The following PARD3B variants were observed in gnomAD, a reference collection of about 807,000 sequenced individuals.
The protein encoded by PARD3B is partitioning defective 3 homolog B.
A neutral mutation model predicts 130.2 loss-of-function variants in PARD3B; 103 were observed. The ratio of observed to expected loss-of-function variants is 0.79; its 90% CI spans 0.67 to 0.93. The LOEUF (loss-of-function observed/expected upper bound fraction) is 0.93. Among genes scored for constraint, PARD3B ranks in the 40% least tolerant of loss-of-function variants. The pLI, the probability that PARD3B is intolerant of heterozygous loss-of-function variation, is 0.00. For synonymous variants in PARD3B, 583 were observed against 553.2 expected, an observed-to-expected ratio of 1.05 and a Z score of -0.76; for missense variants, 1,609 against 1,499.2, an observed-to-expected ratio of 1.07 and a Z score of -1.21.
chr2:204,945,524 T>C (rs1408471164), intron 2 of PARD3B, among the ~76,000 whole-genome samples: 1 of 152,224 alleles, frequency 6.6e-6, no homozygotes, highest in Non-Finnish European at 1.5e-5. Flanking sequence ...GGCTATGTTA[T>C]TCTGGAGTGA....
intron 1 of PARD3B, among the ~76,000 whole-genome samples, chr2:204,630,125 A>G (rs2034625797): frequency 6.6e-6 from 1 of 152,152 alleles, no homozygotes; most frequent in Non-Finnish European, 1.5e-5. Flanking sequence ...AAACTATACA[A>G]ACTAGGCCTC....
In PARD3B at chr2:205,121,566, A is replaced by G. The variant is rs2030719271; in HGVS notation, c.807-25A>G. 7 of 1,598,420 alleles carry G rather than the reference A, an allele frequency of 4.4e-6. No homozygotes were observed. The highest frequency in any genetic ancestry group is 5.1e-6 in the Non-Finnish European group (6 of 1,168,012). On this transcript the variant is annotated intron_variant, in intron 7 of 22. Coordinates refer to ENST00000406610, the MANE Select transcript of PARD3B (RefSeq NM_001302769.2). The surrounding 1 kb of genome is among the most constrained non-coding windows in gnomAD (Gnocchi z 5.0). ...TGCTGCACCTCAAAGCAGGGTCATC[A>G]TACATTTATCAACTTTCTTTCCAGG...
chr2:205,478,841 A>G (rs1344725496), intron 20 of PARD3B, among the ~76,000 whole-genome samples: 1 of 152,178 alleles, frequency 6.6e-6, no homozygotes, highest in Non-Finnish European at 1.5e-5. Context: ...ATTTAGTATG[A>G]AAAAGCATGG....
chr2:204,960,358 A>G (rs958457329), intron 2 of PARD3B, among the ~76,000 whole-genome samples: 4 of 152,164 alleles, frequency 2.6e-5, no homozygotes, highest in African/African-American at 9.7e-5. Flanking sequence ...TTTGAAAGTG[A>G]GCCTGAAAAG....
At chr2:205,543,239 C>G (rs2052239670) in intron 21 of PARD3B, among the ~76,000 whole-genome samples, 1 of 151,684 alleles carries the variant, frequency 6.6e-6, no homozygotes, top group Admixed American at 6.6e-5. Context: ...GTATGAATAA[C>G]TGAAAAAAAA....
chr2:205,243,613 T>C (rs1013602273), intron 15 of PARD3B, among the ~76,000 whole-genome samples: 6 of 152,210 alleles, frequency 3.9e-5, no homozygotes, highest in Non-Finnish European at 5.9e-5. Flanking sequence ...ATTAATAGCA[T>C]ATATTCAAAT....
intron 2 of PARD3B, among the ~76,000 whole-genome samples, chr2:204,903,311 G>A (rs149000211): frequency 2.0e-5 from 3 of 152,082 alleles, no homozygotes; most frequent in African/African-American, 7.2e-5. Flanking sequence ...CCATGCAAGG[G>A]CTAACATTTG....
chr2:205,248,633 G>A (rs991465679), intron 16 of PARD3B, among the ~76,000 whole-genome samples: 14 of 130,196 alleles, frequency 1.1e-4, no homozygotes, highest in Non-Finnish European at 2.2e-4. Flanking sequence ...TTTTGAGACG[G>A]AGTGGCTCTG....
Position 205,230,099 on chromosome 2 carries a change from G to A in PARD3B, c.2141-15679G>A, listed in dbSNP as rs1372505624. On this transcript the variant is annotated intron_variant, in intron 15 of 22. Transcript: ENST00000406610. The surrounding 1 kb of genome is among the most constrained non-coding windows in gnomAD (Gnocchi z 4.1). ...AGATGCTGTCTAAGAGCCAAAGTGTGGAATTGGTGATCCCAAGAACCCGCT... is the reference window on the plus strand; with the variant it reads ...AGATGCTGTCTAAGAGCCAAAGTGTAGAATTGGTGATCCCAAGAACCCGCT... Among the ~76,000 whole-genome samples the A allele has an allele frequency of 6.6e-6, 1 of 151,980 alleles. No individual in the cohort carries two copies. Among genetic ancestry groups the A allele is most frequent in the African/African-American group, 2.4e-5 (1 of 41,366 alleles).
At chr2:205,498,929 G>A (rs750833008) in intron 20 of PARD3B, among the ~76,000 whole-genome samples, 6 of 152,178 alleles carry the variant, frequency 3.9e-5, no homozygotes, top group African/African-American at 1.4e-4. Flanking sequence ...GTAGTCTTCT[G>A]TATCCCTCTC....
chr2:205,065,048 G>A (rs990488753), intron 4 of PARD3B, among the ~76,000 whole-genome samples: 3 of 152,158 alleles, frequency 2.0e-5, no homozygotes, highest in African/African-American at 7.2e-5. Flanking sequence ...AGCTATTGCA[G>A]TCTCCAGTGT....
chr2:204,917,565 C>T (rs939851358), intron 2 of PARD3B, among the ~76,000 whole-genome samples: 3 of 152,136 alleles, frequency 2.0e-5, no homozygotes, highest in African/African-American at 4.8e-5. Flanking sequence ...TCGTTTGGGA[C>T]ATCTTGAGAA....
chr2:205,567,317 T>G (rs959364923), intron 22 of PARD3B, among the ~76,000 whole-genome samples: 4 of 120,718 alleles, frequency 3.3e-5, no homozygotes, highest in Non-Finnish European at 7.0e-5. Flanking sequence ...TTTTTTTTTT[T>G]TTTTTTTTTT....
intron 16 of PARD3B, among the ~76,000 whole-genome samples, chr2:205,299,529 T>A (rs1574633581): frequency 1.7e-5 from 1 of 59,456 alleles, no homozygotes; most frequent in Admixed American, 1.8e-4. Flanking sequence ...GAATTCCTTC[T>A]GTCTTAAAGA....
chr2:205,009,835 A>C (rs1022264604), intron 3 of PARD3B, among the ~76,000 whole-genome samples: 4 of 152,150 alleles, frequency 2.6e-5, no homozygotes, highest in African/African-American at 9.7e-5. Context: ...TTACCTGTTA[A>C]GTTTTTTAAA....
At chr2:205,182,321 A>G (rs767290786) in intron 13 of PARD3B, among the ~76,000 whole-genome samples, 9 of 151,948 alleles carry the variant, frequency 5.9e-5, no homozygotes, top group Non-Finnish European at 1.2e-4. Context: ...AGTAACAAGG[A>G]TAGAGAGTCA....
At chr2:204,919,608 T>C (rs1412811762) in intron 2 of PARD3B, among the ~76,000 whole-genome samples, 1 of 152,214 alleles carries the variant, frequency 6.6e-6, no homozygotes, top group African/African-American at 2.4e-5. Flanking sequence ...TATTCCATTG[T>C]ATGGAATATT....
At chr2:204,862,067 T>G (rs1328161456) in intron 2 of PARD3B, among the ~76,000 whole-genome samples, 1 of 152,146 alleles carries the variant, frequency 6.6e-6, no homozygotes, top group Non-Finnish European at 1.5e-5. Context: ...AAATCATGTA[T>G]GACTGTTTTT....
chr2:205,044,387 T>G (rs1698617494), intron 3 of PARD3B, among the ~76,000 whole-genome samples: 1 of 148,928 alleles, frequency 6.7e-6, no homozygotes, highest in Non-Finnish European at 1.5e-5. Flanking sequence ...CCACACTGAC[T>G]TCCACAATGG....
Sources: allele counts gnomAD v4.1 joint callset (sites outside exome capture counted in the v4.1 genomes callset), GRCh38; gene constraint gnomAD v4.1.1; non-coding constraint Gnocchi (gnomAD v3.1); transcripts MANE v1.5; gene names NCBI Gene and HGNC (gene_info 2026-07-23, HGNC 2026-07-21).